Variants in CXXC4 observed in about 807,000 individuals in gnomAD.
CXXC4 encodes the protein CXXC finger protein 4.
Under a neutral mutation model 20.5 loss-of-function variants are expected in CXXC4, and 5 were observed. The observed-to-expected ratio is 0.24, with a 90% confidence interval of 0.13 to 0.51. The LOEUF is 0.51. Among genes scored for constraint, CXXC4 ranks in the 20% least tolerant of loss-of-function variants. CXXC4 has a pLI of 0.97. For missense variants in CXXC4, 419 were observed against 496.4 expected (o/e 0.84, Z 1.48); for synonymous variants, 250 against 216.4 (o/e 1.16, Z -1.36).
intron 2 of CXXC4, among the ~76,000 whole-genome samples, chr4:104,475,823 T>C (rs1736386324): frequency 6.6e-6 from 1 of 152,066 alleles, no homozygotes; most frequent in African/African-American, 2.4e-5. Context: ...GAAAGCCAGA[T>C]TCCCCTGAAG....
chr4:104,479,807 G>T (rs1031841192), intron 2 of CXXC4, among the ~76,000 whole-genome samples: 1 of 103,192 alleles, frequency 9.7e-6, no homozygotes, highest in Non-Finnish European at 1.8e-5. Context: ...CCGTCCTTCC[G>T]TCCTTCCTTC....
intron 2 of CXXC4, among the ~76,000 whole-genome samples, chr4:104,488,528 A>G (rs1736752825): frequency 6.6e-6 from 1 of 152,244 alleles, no homozygotes; most frequent in African/African-American, 2.4e-5. Context: ...CTTGAAACAC[A>G]GCCCATGCTC....
chr4:104,494,115 G>T (rs770879764), intron 1 of CXXC4, among the ~76,000 whole-genome samples: 6 of 152,086 alleles, frequency 3.9e-5, no homozygotes, highest in Non-Finnish European at 8.8e-5. Flanking sequence ...GGTCATTATT[G>T]TTTAATCAAT....
intron 2 of CXXC4, among the ~76,000 whole-genome samples, chr4:104,478,865 ATAC>A (rs1478838011): frequency 6.6e-6 from 1 of 152,092 alleles, no homozygotes; most frequent in Non-Finnish European, 1.5e-5. Flanking sequence ...AATAAAATCA[ATAC>A]TATACTTTCA....
chr4:104,491,559 C>T lies in CXXC4; in HGVS notation c.244G>A (p.Ala82Thr). The T allele has an allele frequency of 6.7e-7, 1 of 1,502,476 alleles. No homozygotes were observed. Among genetic ancestry groups the T allele is most frequent in the African/African-American group, 1.5e-5 (1 of 68,908 alleles). The allele number at this position is 1,502,476 out of a possible 1,614,324, so 93.1% of individuals were successfully genotyped here. A position where few individuals can be genotyped will look rare whatever the true frequency, so the allele number is the denominator to read the frequency against. Residue 82 changes from alanine (A) to threonine (T), a missense_variant, in exon 2 of 3, where the codon GCG (alanine) becomes ACG (threonine). Coordinates refer to ENST00000394767, the MANE Select transcript of CXXC4 (RefSeq NM_025212.4). The part of the protein sequence containing the change: ...PSSAAAAAAA[A>T]RIGMSPWNCD... The stretch of plus-strand genomic sequence containing the variant: ...TTCCAGGGGGACATGCCGATGCGCG[C>T]GGCGGCCGCGGCGGCGGCGGCGCTG...
In CXXC4 at chr4:104,491,469, C is replaced by A; in HGVS notation, c.334G>T (p.Gly112Cys). 1 of 944,658 alleles carries A rather than the reference C, an allele frequency of 1.1e-6. No homozygotes were observed. Among genetic ancestry groups the A allele is most frequent in the Non-Finnish European group, 1.3e-6 (1 of 761,398 alleles). 58.5% of individuals were successfully genotyped at this position (944,658 alleles called of 1,614,324 possible). Residue 112 changes from glycine (G) to cysteine (C), a missense_variant, in exon 2 of 3, where the codon GGC becomes TGC. This residue lies in a region of CXXC4 where 388 missense variants were observed against 416.0 expected (regional missense o/e 0.93). Transcript: ENST00000394767. The part of the protein sequence containing the change: ...AMLWGSGGGG[G>C]GGGGGGGGGG... ...CCGCCGCCACCCCCCCCGCCGCCGC[C>A]CCCGCCCCCGCCGCTGCCCCAGAGC...
intron 1 of CXXC4, among the ~76,000 whole-genome samples, chr4:104,493,793 A>G (rs1736969669): frequency 6.6e-6 from 1 of 152,242 alleles, no homozygotes; most frequent in Non-Finnish European, 1.5e-5. Flanking sequence ...CAGCAAGAAT[A>G]TGCATATAGC....
Position 104,491,879 on chromosome 4 carries a change from AGGTGGGGGGGAGGGAAG to A in CXXC4, c.-94_-78del. The stretch of plus-strand genomic sequence containing the variant: ...CGACACCTGGGTGGAAAAGGGGGAA[AGGTGGGGGGGAGGGAAG>A]GGAGTGATGGTGGTGTTGGGGTGGG... On this transcript the variant is annotated 5_prime_UTR_variant, in exon 2 of 3. Transcript: ENST00000394767. The A allele has an allele frequency of 1.1e-5, 1 of 88,652 alleles. No individual in the cohort carries two copies. The highest frequency in any genetic ancestry group is 1.5e-5 in the Non-Finnish European group (1 of 67,220). 5.5% of individuals were successfully genotyped at this position (88,652 alleles called of 1,614,324 possible).
intron 2 of CXXC4, among the ~76,000 whole-genome samples, chr4:104,488,999 A>G (rs1736765766): frequency 6.6e-6 from 1 of 152,234 alleles, no homozygotes; most frequent in Admixed American, 6.5e-5. Context: ...AGCTGGGAAT[A>G]GAGAATTTCA....
chr4:104,476,894 C>T (rs1374387690), intron 2 of CXXC4, among the ~76,000 whole-genome samples: 3 of 152,088 alleles, frequency 2.0e-5, no homozygotes, highest in African/African-American at 7.2e-5. Flanking sequence ...CCCATATAAT[C>T]GTGAAGCATG....
Position 104,472,187 on chromosome 4 carries a change from T to TTTAA in CXXC4, c.*134_*135insTTAA. 1 of 448,902 alleles carries TTTAA rather than the reference T, an allele frequency of 2.2e-6. No individual in the cohort carries two copies. The allele number at this position is 448,902 out of a possible 1,614,324, so 27.8% of individuals were successfully genotyped here. ...TTCTTTTCCTCTTTTTTTTTTTTTTTGAAGAAAGCCCTATACATAAAATGA... is the reference window on the plus strand; with the variant it reads ...TTCTTTTCCTCTTTTTTTTTTTTTTTTTAAGAAGAAAGCCCTATACATAAAATGA... On this transcript the variant is annotated 3_prime_UTR_variant, in exon 3 of 3. Transcript: ENST00000394767.
At chr4:104,486,535 C>T (rs72951399) in intron 2 of CXXC4, among the ~76,000 whole-genome samples, 11,402 of 151,646 alleles carry the variant, frequency 0.075, 1,460 homozygotes, top group African/African-American at 0.26. Flanking sequence ...AAAAATTTCC[C>T]CTTTCCCTTT....
intron 2 of CXXC4, among the ~76,000 whole-genome samples, chr4:104,482,421 A>C (rs1736578683): frequency 6.6e-6 from 1 of 152,186 alleles, no homozygotes; most frequent in Non-Finnish European, 1.5e-5. Flanking sequence ...TCACGGACTA[A>C]AGGTAGAGCA....
chr4:104,489,331 A>C (rs1355334065), intron 2 of CXXC4, among the ~76,000 whole-genome samples: 1 of 152,144 alleles, frequency 6.6e-6, no homozygotes, highest in African/African-American at 2.4e-5. Context: ...TTTGATTTAC[A>C]CAATTAAAGG....
At position 104,468,958 on chromosome 4, in the gene CXXC4, T is replaced by C. The variant is rs1578311102; in HGVS notation, c.*3364A>G. On this transcript the variant is annotated 3_prime_UTR_variant, in exon 3 of 3. Coordinates refer to ENST00000394767, the MANE Select transcript of CXXC4 (RefSeq NM_025212.4). ...CTGATTGAAAGGAAGAGAATATTCCTTTCTTTTAGTGATTGCTTAATATTA... is the reference window on the plus strand; with the variant it reads ...CTGATTGAAAGGAAGAGAATATTCCCTTCTTTTAGTGATTGCTTAATATTA... 1 of 152,078 alleles carries C rather than the reference T, an allele frequency of 6.6e-6. No individual in the cohort carries two copies. The highest frequency in any genetic ancestry group is 6.6e-5 in the Admixed American group (1 of 15,230). 9.4% of individuals were successfully genotyped at this position (152,078 alleles called of 1,614,324 possible).
chr4:104,490,647 G>A, intron 2 of CXXC4, 97 bp downstream of exon 2: 2 of 1,103,788 alleles, frequency 1.8e-6, no homozygotes, highest in Non-Finnish European at 2.6e-6. Flanking sequence ...TCTGAGAAGG[G>A]GTACTGCATC....
chr4:104,487,587 A>C (rs1394869899), intron 2 of CXXC4, among the ~76,000 whole-genome samples: 7 of 152,208 alleles, frequency 4.6e-5, no homozygotes, highest in African/African-American at 1.7e-4. Context: ...GTTTATTAAA[A>C]CATCAAGGAA....
intron 2 of CXXC4, among the ~76,000 whole-genome samples, chr4:104,486,812 C>T (rs1000977133): frequency 1.3e-5 from 2 of 152,124 alleles, no homozygotes; most frequent in Non-Finnish European, 2.9e-5. Context: ...ACCTATTTTA[C>T]ATCTGGTCTA....
rs1387340396 is a variant in CXXC4, at chr4:104,471,408, T to C, written c.*914A>G. 1.3e-5 allele frequency: 2 copies of C among 152,146 alleles called. No individual in the cohort carries two copies. The highest frequency in any genetic ancestry group is 4.8e-5 in the African/African-American group (2 of 41,570). The allele number at this position is 152,146 out of a possible 1,614,324, so 9.4% of individuals were successfully genotyped here. On this transcript the variant is annotated 3_prime_UTR_variant, in exon 3 of 3. Transcript: ENST00000394767. ...TAAATTTTCCCCTCCTAAGATATGA[T>C]ACTTTATTCTTTAGCCTAAAAAACA...
Sources: gnomAD v4.1 joint callset for allele counts (sites outside exome capture counted in the v4.1 genomes callset) on GRCh38, gnomAD v4.1.1 for gene constraint, gnomAD v4.1.1 regional missense constraint, MANE v1.5 for transcripts, NCBI Gene and HGNC (gene_info 2026-07-23, HGNC 2026-07-21) for gene names.